EDN1: variants seen among roughly 807,000 people sequenced by gnomAD.
EDN1 encodes endothelin-1.
A neutral mutation model predicts 21.7 loss-of-function variants in EDN1; 11 were observed. The observed-to-expected ratio is 0.51, with a 90% CI of 0.32 to 0.84. EDN1 has a LOEUF of 0.84. Ranked by LOEUF, EDN1 falls within the 40% of genes least tolerant of loss-of-function variation. EDN1 has a pLI of 0.03. For missense variants in EDN1, 244 were observed against 262.3 expected (o/e 0.93, Z 0.48); for synonymous variants, 85 against 90.6 (o/e 0.94, Z 0.35).
At chr6:12,282,429 A>G in the EDN1 span, among the ~76,000 whole-genome samples, 2 of 152,206 alleles carry the variant, frequency 1.3e-5, no homozygotes, top group African/African-American at 2.4e-5. Context: ...AGTTCATGAG[A>G]TCCTTTCCAC....
At chr6:12,279,051 G>T in the EDN1 span, among the ~76,000 whole-genome samples, 1 of 152,180 alleles carries the variant, frequency 6.6e-6, no homozygotes, top group Non-Finnish European at 1.5e-5. Flanking sequence ...AGTGCTTTTT[G>T]CAGCTGGACT....
At chr6:12,237,362 A>G in the EDN1 span, among the ~76,000 whole-genome samples, 1 of 152,202 alleles carries the variant, frequency 6.6e-6, no homozygotes, top group Non-Finnish European at 1.5e-5. Context: ...ACCTCAAAGA[A>G]TATAAAGAGG....
chr6:12,255,778 C>T, the EDN1 span, among the ~76,000 whole-genome samples: 1 of 152,188 alleles, frequency 6.6e-6, no homozygotes, highest in East Asian at 1.9e-4. Context: ...ATAACATCTT[C>T]ATTTTTATAG....
At chr6:12,251,414 CA>C in the EDN1 span, among the ~76,000 whole-genome samples, 1 of 152,150 alleles carries the variant, frequency 6.6e-6, no homozygotes, top group African/African-American at 2.4e-5. Context: ...AGGTGTCATT[CA>C]AGAAGGAATA....
At chr6:12,238,036 G>A in the EDN1 span, among the ~76,000 whole-genome samples, 1 of 152,000 alleles carries the variant, frequency 6.6e-6, no homozygotes, top group African/African-American at 2.4e-5. Flanking sequence ...TGTCAGGCCT[G>A]TGGCAGGCAT....
chr6:12,295,642 C>T (rs971143898), intron 4 of EDN1, among the ~76,000 whole-genome samples: 1 of 152,094 alleles, frequency 6.6e-6, no homozygotes, highest in African/African-American at 2.4e-5. Context: ...AAGGCAGGGT[C>T]ACATAGTGAT....
At chr6:12,254,373 C>T in the EDN1 span, among the ~76,000 whole-genome samples, 4 of 152,174 alleles carry the variant, frequency 2.6e-5, no homozygotes, top group African/African-American at 9.7e-5. Context: ...TCCTCACTCT[C>T]CACTCTGCCA....
the EDN1 span, among the ~76,000 whole-genome samples, chr6:12,266,071 G>A: frequency 6.6e-6 from 1 of 152,206 alleles, no homozygotes; most frequent in Admixed American, 6.5e-5. Flanking sequence ...AGATAAGCCA[G>A]TGTGGGGGAA....
At chr6:12,238,871 G>A in the EDN1 span, among the ~76,000 whole-genome samples, 5 of 152,142 alleles carry the variant, frequency 3.3e-5, no homozygotes, top group East Asian at 3.8e-4. Flanking sequence ...AGAACCATAC[G>A]GTAGATTATT....
At chr6:12,242,666 A>C in the EDN1 span, among the ~76,000 whole-genome samples, 4 of 151,938 alleles carry the variant, frequency 2.6e-5, no homozygotes, top group African/African-American at 9.7e-5. Flanking sequence ...TTTGGATCTC[A>C]GCCTTGCTGC....
the EDN1 span, among the ~76,000 whole-genome samples, chr6:12,275,819 G>T: frequency 3.3e-5 from 5 of 151,972 alleles, no homozygotes; most frequent in African/African-American, 1.2e-4. Context: ...GTGTGTGTGT[G>T]TGTGTGTGTG....
At chr6:12,279,884 T>C in the EDN1 span, among the ~76,000 whole-genome samples, 2 of 152,088 alleles carry the variant, frequency 1.3e-5, no homozygotes, top group Admixed American at 1.3e-4. Context: ...CCTTCAGAGA[T>C]TGTTGAAAGG....
At chr6:12,276,084 C>T in the EDN1 span, among the ~76,000 whole-genome samples, 1 of 144,810 alleles carries the variant, frequency 6.9e-6, no homozygotes, top group East Asian at 2.1e-4. Flanking sequence ...ATGGCGTGAG[C>T]CCGGGAGGCA....
chr6:12,293,232 C>A (rs572465763), intron 2 of EDN1, among the ~76,000 whole-genome samples: 1 of 152,274 alleles, frequency 6.6e-6, no homozygotes, highest in Non-Finnish European at 1.5e-5. Flanking sequence ...AAAGGAGGAC[C>A]AAAATCCAAA....
At chr6:12,269,710 G>A in the EDN1 span, among the ~76,000 whole-genome samples, 2 of 152,008 alleles carry the variant, frequency 1.3e-5, no homozygotes, top group Non-Finnish European at 2.9e-5. Flanking sequence ...CAGCTTGCTA[G>A]TATTTTGTTA....
At chr6:12,291,217 T>TCCCCCCCCCCC in intron 1 of EDN1, among the ~76,000 whole-genome samples, 1 of 92,086 alleles carries the variant, frequency 1.1e-5, no homozygotes, top group African/African-American at 3.6e-5. Flanking sequence ...AACTACCGCC[T>TCCCCCCCCCCC]CCCCCCCCCC....
upstream of EDN1, among the ~76,000 whole-genome samples, chr6:12,287,720 A>T (rs1286936876): frequency 0.32 from 31,072 of 98,186 alleles, 3,685 homozygotes; most frequent in East Asian, 0.44. Flanking sequence ...TCTCACACAC[A>T]CACACACACA....
the EDN1 span, among the ~76,000 whole-genome samples, chr6:12,265,026 G>A: frequency 7.9e-5 from 12 of 152,156 alleles, no homozygotes; most frequent in Non-Finnish European, 1.8e-4. Context: ...AGAGAATAAA[G>A]GTCTACACCA....
chr6:12,236,144 A>C, the EDN1 span, among the ~76,000 whole-genome samples: 1 of 152,252 alleles, frequency 6.6e-6, no homozygotes, highest in Admixed American at 6.5e-5. Flanking sequence ...ATTTGATTCC[A>C]TGGGAATAAA....
Sources: allele counts gnomAD v4.1 joint callset (sites outside exome capture counted in the v4.1 genomes callset), GRCh38; gene constraint gnomAD v4.1.1; transcripts MANE v1.5; gene names NCBI Gene and HGNC (gene_info 2026-07-23, HGNC 2026-07-21).